GALNT15: variants seen among roughly 807,000 people sequenced by gnomAD.
The protein encoded by GALNT15 is polypeptide N-acetylgalactosaminyltransferase 15.
GALNT15 carries 67 observed loss-of-function variants against 66.8 expected under a neutral mutation model. That is an observed-to-expected ratio of 1.00 (90% confidence interval 0.82 to 1.23). The LOEUF (loss-of-function observed/expected upper bound fraction) is 1.23. Ranked by LOEUF, GALNT15 falls within the 50% of genes most tolerant of loss-of-function variation. The pLI is 0.00. For missense variants in GALNT15, 827 were observed against 804.3 expected (o/e 1.03, Z -0.34); for synonymous variants, 313 against 311.5 (o/e 1.00, Z -0.05).
the GALNT15 span, among the ~76,000 whole-genome samples, chr3:16,244,341 C>G: frequency 6.6e-6 from 1 of 152,214 alleles, no homozygotes; most frequent in Non-Finnish European, 1.5e-5. Context: ...AATCCTTAAA[C>G]TAAATGGAGC....
chr3:16,190,712 A>G (rs1330501366), intron 1 of GALNT15, among the ~76,000 whole-genome samples: 1 of 152,096 alleles, frequency 6.6e-6, no homozygotes, highest in African/African-American at 2.4e-5. Flanking sequence ...CCTGAGACAC[A>G]AGACTTTGTC....
chr3:16,198,858 C>T (rs1302571993), intron 2 of GALNT15, among the ~76,000 whole-genome samples: 1 of 141,678 alleles, frequency 7.1e-6, no homozygotes, highest in Non-Finnish European at 1.6e-5. Flanking sequence ...GCTGCCTTAA[C>T]CTTCTCCAGC....
Position 16,219,318 on chromosome 3 carries a change from T to G in GALNT15, c.1393-85T>G. On this transcript the variant is annotated intron_variant, in intron 6 of 9. Coordinates refer to ENST00000339732, the MANE Select transcript of GALNT15 (RefSeq NM_054110.5). The surrounding 1 kb of genome is among the most constrained non-coding windows in gnomAD (Gnocchi z 4.3). ...TTCCTTCTGTCCTGATCCTTTAGCT[T>G]CTTCCCAGCCACTCCATCCCCAACC... 6.4e-7 allele frequency: 1 copy of G among 1,555,854 alleles called. No individual in the cohort carries two copies. Among genetic ancestry groups the G allele is most frequent in the Non-Finnish European group, 8.7e-7 (1 of 1,144,942 alleles).
rs1051103891 is a variant in GALNT15, at chr3:16,184,088, T to C, written c.539+8398T>C. Reference sequence around the variant, plus strand: ...ATCCCTGTGTTGGCTAATTAGGGATTAAGCCCAGGTTGATTTGAGTCCAAA... The same window carrying C: ...ATCCCTGTGTTGGCTAATTAGGGATCAAGCCCAGGTTGATTTGAGTCCAAA... On this transcript the variant is annotated intron_variant, in intron 1 of 9. Transcript: ENST00000339732. This position sits in a 1 kb window ranked among gnomAD's most constrained non-coding sequence, Gnocchi z 5.0. 2.0e-5 allele frequency among the ~76,000 whole-genome samples: 3 copies of C among 152,198 alleles called. No homozygotes were observed. Among genetic ancestry groups the C allele is most frequent in the African/African-American group, 7.2e-5 (3 of 41,436 alleles).
chr3:16,185,786 GATA>G (rs1211274169), intron 1 of GALNT15, among the ~76,000 whole-genome samples: 1 of 128,132 alleles, frequency 7.8e-6, no homozygotes, highest in Non-Finnish European at 1.7e-5. Context: ...TAGATAGATA[GATA>G]GATGATAGAT....
rs11925291 is a variant in GALNT15, at chr3:16,211,762, C to T, written c.1197+521C>T. 0.014 allele frequency among the ~76,000 whole-genome samples: 2,194 copies of T among 152,178 alleles called. 60 individuals carry two copies. The highest frequency in any genetic ancestry group is 0.05 in the African/African-American group (2,079 of 41,476). On this transcript the variant is annotated intron_variant, in intron 5 of 9. Transcript: ENST00000339732. The surrounding 1 kb of genome is among the most constrained non-coding windows in gnomAD (Gnocchi z 4.3). ...CTTGCTTTTTCATCACAGTATCCTC[C>T]GAAAACCCAACACCAAAAAAAATTC...
rs116254972 is a variant in GALNT15 at position 16,209,299 on chromosome 3, G to A, written c.1079+629G>A. 1.5e-3 allele frequency among the ~76,000 whole-genome samples: 223 copies of A among 152,198 alleles called. 1 individual carries two copies. The highest frequency in any genetic ancestry group is 5.2e-3 in the African/African-American group (215 of 41,504). Reference sequence around the variant, plus strand: ...ATATGAATTCTGAAAGGACACAGTGGGGTTGGTTGTCTGCCCCCATGGTTT... The same window carrying A: ...ATATGAATTCTGAAAGGACACAGTGAGGTTGGTTGTCTGCCCCCATGGTTT... On this transcript the variant is annotated intron_variant, in intron 4 of 9. Transcript: ENST00000339732. The surrounding 1 kb of genome is among the most constrained non-coding windows in gnomAD (Gnocchi z 4.1).
Position 16,200,102 on chromosome 3 carries a change from A to G in GALNT15, c.707-517A>G, listed in dbSNP as rs940421241. On this transcript the variant is annotated intron_variant, in intron 2 of 9. Transcript: ENST00000339732. The surrounding 1 kb of genome is among the most constrained non-coding windows in gnomAD (Gnocchi z 4.4). ...GAAGGGGAAGCATGTCTTACATGGC[A>G]GCAAGTGAGAGAAAGAGAGAGAGAG... is the stretch of plus-strand genomic sequence containing the variant. Among the ~76,000 whole-genome samples the G allele has an allele frequency of 1.3e-5, 2 of 149,276 alleles. No homozygotes were observed. The highest frequency in any genetic ancestry group is 3.0e-5 in the Non-Finnish European group (2 of 67,424).
the GALNT15 span, among the ~76,000 whole-genome samples, chr3:16,240,351 A>C: frequency 1.8e-4 from 28 of 152,208 alleles, no homozygotes; most frequent in African/African-American, 6.5e-4. Flanking sequence ...TGTTTTCTGA[A>C]CCACTGGCGT....
At chr3:16,232,500 ATATATATATATTTATTT>A (rs1559698387), downstream of GALNT15, among the ~76,000 whole-genome samples, 1 of 88,812 alleles carries the variant, frequency 1.1e-5, no homozygotes, top group African/African-American at 5.0e-5. Flanking sequence ...ATATATATAT[ATATATATATATTTATTT>A]AAAAGAGACA....
At chr3:16,232,820 C>A (rs1221169052), downstream of GALNT15, among the ~76,000 whole-genome samples, 1 of 151,610 alleles carries the variant, frequency 6.6e-6, no homozygotes, top group African/African-American at 2.4e-5. Context: ...CACGTGGGGA[C>A]CATGTTAAAG....
At chr3:16,192,820 T>C (rs1458809335) in intron 1 of GALNT15, among the ~76,000 whole-genome samples, 1 of 152,248 alleles carries the variant, frequency 6.6e-6, no homozygotes, top group Non-Finnish European at 1.5e-5. Context: ...AAAGTTCATA[T>C]AAAGTTCATT....
chr3:16,199,406 G>A lies in GALNT15; in HGVS notation c.707-1213G>A, dbSNP rs1178982880. Among the ~76,000 whole-genome samples the A allele has an allele frequency of 6.4e-5, 9 of 141,652 alleles. 2 individuals carry two copies. The highest frequency in any genetic ancestry group is 2.4e-4 in the African/African-American group (9 of 37,950). 92.9% of individuals were successfully genotyped at this position (141,652 alleles called of 152,430 possible). ...CCGTTTTCTCTCCCGGACCCACTGT[G>A]TTGCAGACTCCCCTATCAACTGCAA... On this transcript the variant is annotated intron_variant, in intron 2 of 9. Coordinates refer to ENST00000339732, the MANE Select transcript of GALNT15 (RefSeq NM_054110.5).
intron 1 of GALNT15, among the ~76,000 whole-genome samples, chr3:16,177,094 G>GT: frequency 6.6e-6 from 1 of 152,314 alleles, no homozygotes; most frequent in Admixed American, 6.5e-5. Context: ...GATTATTGAT[G>GT]TATTTATCAG....
At chr3:16,223,769 T>A (rs1231062905) in intron 9 of GALNT15, among the ~76,000 whole-genome samples, 1 of 150,480 alleles carries the variant, frequency 6.6e-6, no homozygotes, top group Non-Finnish European at 1.5e-5. Flanking sequence ...CTTGGCTAAC[T>A]GCAGCCTCTG....
At chr3:16,207,911 G>T (rs965111928) in intron 3 of GALNT15, among the ~76,000 whole-genome samples, 1 of 152,170 alleles carries the variant, frequency 6.6e-6, no homozygotes, top group African/African-American at 2.4e-5. Flanking sequence ...TTTGTGGGAA[G>T]TAGTTCAACC....
chr3:16,216,270 T>A (rs1226220032), intron 6 of GALNT15, among the ~76,000 whole-genome samples: 1 of 151,906 alleles, frequency 6.6e-6, no homozygotes, highest in Non-Finnish European at 1.5e-5. Flanking sequence ...GGAGTGAAAG[T>A]TTATTAAAAA....
At chr3:16,213,725 G>GGTGT (rs1421572925) in intron 6 of GALNT15, among the ~76,000 whole-genome samples, 4 of 152,156 alleles carry the variant, frequency 2.6e-5, no homozygotes, top group African/African-American at 9.7e-5. Context: ...ACACTGCTGG[G>GGTGT]GTGTGAGTTA....
chr3:16,215,914 A>AC (rs1201492698), intron 6 of GALNT15, among the ~76,000 whole-genome samples: 21 of 151,094 alleles, frequency 1.4e-4, no homozygotes, highest in East Asian at 1.2e-3. Context: ...GCCAAAAAAA[A>AC]AAAAAAAAAA....
Sources: gnomAD v4.1 joint callset for allele counts (sites outside exome capture counted in the v4.1 genomes callset) on GRCh38, gnomAD v4.1.1 for gene constraint, Gnocchi (gnomAD v3.1) non-coding constraint, MANE v1.5 for transcripts, NCBI Gene and HGNC (gene_info 2026-07-23, HGNC 2026-07-21) for gene names.